GSR: variants seen among roughly 807,000 people sequenced by gnomAD.
GSR encodes glutathione-disulfide reductase.
Under a neutral mutation model 56.5 loss-of-function variants are expected in GSR, and 48 were observed. The observed-to-expected ratio is 0.85, with a 90% CI of 0.67 to 1.08. The LOEUF is 1.08. Ranked by LOEUF, GSR falls within the 50% of genes least tolerant of loss-of-function variation. The pLI is 0.00. For synonymous variants in GSR, 264 were observed against 270.8 expected, an observed-to-expected ratio of 0.97 and a Z score of 0.25; for missense variants, 694 against 703.3, an observed-to-expected ratio of 0.99 and a Z score of 0.15.
chr8:30,700,065 G>A lies in GSR; in HGVS notation c.695+16C>T. On this transcript the variant is annotated intron_variant, in intron 6 of 12. Transcript: ENST00000221130. ...AAGGAAGAATGAGTCACTGAGGTCAGGTCAGGTTGGCTTACCCGGGCAATT... is the reference window on the plus strand; with the variant it reads ...AAGGAAGAATGAGTCACTGAGGTCAAGTCAGGTTGGCTTACCCGGGCAATT... 1 of 1,596,252 alleles carries A rather than the reference G, an allele frequency of 6.3e-7. No individual in the cohort carries two copies. Among genetic ancestry groups the A allele is most frequent in the Non-Finnish European group, 8.6e-7 (1 of 1,163,854 alleles).
At chr8:30,693,413 T>C (rs374279552) in intron 7 of GSR, among the ~76,000 whole-genome samples, 9 of 152,326 alleles carry the variant, frequency 5.9e-5, no homozygotes, top group African/African-American at 2.2e-4. Context: ...AGGGAAGATT[T>C]ACTAGCAAAA....
At chr8:30,712,134 A>G (rs765693502) in intron 1 of GSR, 46 bp from the exon 2 acceptor site, 2 of 1,092,130 alleles carry the variant, frequency 1.8e-6, no homozygotes, top group East Asian at 4.7e-5. Context: ...TTGAATTCAA[A>G]CCATCAAACG....
At position 30,709,904 on chromosome 8, in the gene GSR, T is replaced by G. The variant is rs1804068192; in HGVS notation, c.334-2A>C. The G allele has an allele frequency of 2.3e-6, 3 of 1,316,420 alleles. No homozygotes were observed. The allele number at this position is 1,316,420 out of a possible 1,614,324, so 81.5% of individuals were successfully genotyped here. On this transcript the variant is annotated splice_acceptor_variant, in intron 2 of 12. Transcript: ENST00000221130. LOFTEE classifies it high-confidence loss of function. ...GTGGACAGCTGTGTTCCACATTACC[T>G]GTAAAAAAAAAAAAAAAAAAGGATC... is the stretch of plus-strand genomic sequence containing the variant.
Position 30,678,360 on chromosome 8 carries a change from T to TATA in GSR, c.*1159_*1160insTAT, listed in dbSNP as rs1491123637. ...AAAATAATATATATATATATATATA[T>TATA]TTTTTTTTTTTTTTTTTGAGACAGG... On this transcript the variant is annotated 3_prime_UTR_variant, in exon 13 of 13. Coordinates refer to ENST00000221130, the MANE Select transcript of GSR (RefSeq NM_000637.5). 5.0e-3 allele frequency: 27 copies of TATA among 5,434 alleles called. No individual in the cohort carries two copies. The highest frequency in any genetic ancestry group is 7.1e-3 in the African/African-American group (26 of 3,644). 0.3% of individuals were successfully genotyped at this position (5,434 alleles called of 1,614,324 possible).
intron 8 of GSR, among the ~76,000 whole-genome samples, chr8:30,689,897 ATTTTTATTAAATATATGTATTTAATG>A (rs1803308619): frequency 7.0e-6 from 1 of 142,324 alleles, no homozygotes; most frequent in African/African-American, 2.6e-5. Context: ...TATAAATTAT[ATTTTTATTAAATATATGTATTTAATG>A]TTTTTATTAA....
intron 1 of GSR, among the ~76,000 whole-genome samples, chr8:30,720,321 C>T (rs1403458570): frequency 6.6e-6 from 1 of 152,156 alleles, no homozygotes; most frequent in Non-Finnish European, 1.5e-5. Flanking sequence ...AAATCTAATT[C>T]AAGACCAGAA....
At position 30,703,088 on chromosome 8, in the gene GSR, C is replaced by T; in HGVS notation, c.640+5G>A. On this transcript the variant is annotated splice_donor_5th_base_variant and intron_variant, in intron 5 of 12. Transcript: ENST00000221130. Reference sequence around the variant, plus strand: ...CTGTTAATGAGTACCTGTTGTATGACTCACCGGGGATCTGGCTCTCATGAG... The same window carrying T: ...CTGTTAATGAGTACCTGTTGTATGATTCACCGGGGATCTGGCTCTCATGAG... 1 of 1,613,858 alleles carries T rather than the reference C, an allele frequency of 6.2e-7. No individual in the cohort carries two copies. The highest frequency in any genetic ancestry group is 8.5e-7 in the Non-Finnish European group (1 of 1,179,824).
chr8:30,695,803 G>A (rs745791548), intron 7 of GSR, among the ~76,000 whole-genome samples: 1 of 152,114 alleles, frequency 6.6e-6, no homozygotes, highest in Non-Finnish European at 1.5e-5. Flanking sequence ...ACTTTGGGAG[G>A]TCGAGGTGGG....
chr8:30,723,443 G>A (rs1804616039), intron 1 of GSR, among the ~76,000 whole-genome samples: 2 of 152,078 alleles, frequency 1.3e-5, no homozygotes, highest in Admixed American at 1.3e-4. Context: ...AGTGAGCTGA[G>A]ATCACACCAC....
At position 30,679,451 on chromosome 8, in the gene GSR, A is replaced by C. The variant is rs1031274834; in HGVS notation, c.*69T>G. 27 of 1,413,982 alleles carry C rather than the reference A, an allele frequency of 1.9e-5. No individual in the cohort carries two copies. The highest frequency in any genetic ancestry group is 2.5e-5 in the Non-Finnish European group (25 of 1,001,596). 87.6% of individuals were successfully genotyped at this position (1,413,982 alleles called of 1,614,324 possible). On this transcript the variant is annotated 3_prime_UTR_variant, in exon 13 of 13. Transcript: ENST00000221130. ...ATACATAAAACTCAAACAGTAAGTC[A>C]ATGTGATTATTTGTTTCATTTCAGA... is the stretch of plus-strand genomic sequence containing the variant.
intron 1 of GSR, among the ~76,000 whole-genome samples, chr8:30,726,576 T>C (rs985954826): frequency 2.6e-5 from 4 of 152,040 alleles, no homozygotes; most frequent in African/African-American, 4.8e-5. Flanking sequence ...AAGGGCAACA[T>C]AGCGAGACCC....
intron 1 of GSR, 64 bp downstream of exon 1, chr8:30,727,466 G>A (rs1804771021): frequency 1.4e-6 from 2 of 1,420,706 alleles, no homozygotes; most frequent in Non-Finnish European, 1.9e-6. Context: ...AACGAGCACA[G>A]GCTGTCCCCC....
chr8:30,711,969 T>C, intron 2 of GSR, 93 bp downstream of exon 2: 1 of 768,072 alleles, frequency 1.3e-6, no homozygotes, highest in Non-Finnish European at 2.3e-6. Flanking sequence ...GCAGAAAGAA[T>C]TTTAACTGAT....
chr8:30,698,615 C>T (rs1803626247), intron 6 of GSR, among the ~76,000 whole-genome samples: 1 of 152,200 alleles, frequency 6.6e-6, no homozygotes, highest in South Asian at 2.1e-4. Context: ...CAAAGCAGCT[C>T]CCTGGTCCTT....
chr8:30,689,009 A>C, intron 9 of GSR, 152 bp downstream of exon 9: 2 of 682,606 alleles, frequency 2.9e-6, no homozygotes, highest in Non-Finnish European at 5.3e-6. Flanking sequence ...TCAAAGGAAG[A>C]AGCAATGAAA....
chr8:30,708,117 G>A lies in GSR; in HGVS notation c.447C>T (p.Ala149=). The A allele has an allele frequency of 6.2e-7, 1 of 1,613,150 alleles. No homozygotes were observed. Among genetic ancestry groups the A allele is most frequent in the Non-Finnish European group, 8.5e-7 (1 of 1,179,134 alleles). ...AGATGGCATTCAGGCGGCTCACATA[G>A]GCATCCCGCTTTTCCTTAATAACAC... ...NWRVIKEKRD[A]YVSRLNAIYQ... The change falls in exon 4 of 13, where the codon GCC becomes GCT. Residue 149 remains alanine, a synonymous_variant. Transcript: ENST00000221130.
At chr8:30,681,724 A>T (rs1034571302) in intron 11 of GSR, among the ~76,000 whole-genome samples, 5 of 152,142 alleles carry the variant, frequency 3.3e-5, no homozygotes, top group African/African-American at 1.2e-4. Context: ...AAAAGATCAA[A>T]GAGATAGGGT....
At chr8:30,713,489 G>C (rs954534449) in intron 1 of GSR, among the ~76,000 whole-genome samples, 15 of 151,844 alleles carry the variant, frequency 9.9e-5, no homozygotes, top group Non-Finnish European at 1.3e-4. Context: ...CTCCCGAGTA[G>C]CTGAGATTAC....
Position 30,694,370 on chromosome 8 carries a change from C to T in GSR, c.796-1315G>A, listed in dbSNP as rs576297107. Among the ~76,000 whole-genome samples the T allele has an allele frequency of 3.3e-5, 5 of 152,288 alleles. No individual in the cohort carries two copies. In the South Asian group the frequency reaches 1.0e-3, roughly 32 times the overall value. ...AGCTGCCCAGGCTAGAGTGCAGTGGCACAATCTTTGCTCACTGCAGCCTTG... is the reference window on the plus strand; with the variant it reads ...AGCTGCCCAGGCTAGAGTGCAGTGGTACAATCTTTGCTCACTGCAGCCTTG... On this transcript the variant is annotated intron_variant, in intron 7 of 12. Transcript: ENST00000221130.
Sources: gnomAD v4.1 joint callset for allele counts (sites outside exome capture counted in the v4.1 genomes callset) on GRCh38, gnomAD v4.1.1 for gene constraint, MANE v1.5 for transcripts, NCBI Gene and HGNC (gene_info 2026-07-23, HGNC 2026-07-21) for gene names.